SPAG16: variants seen among roughly 807,000 people sequenced by gnomAD.
The protein encoded by SPAG16 is sperm-associated antigen 16 protein.
Under a neutral mutation model 80.4 loss-of-function variants are expected in SPAG16, and 86 were observed. The observed-to-expected ratio is 1.07, with a 90% CI of 0.90 to 1.28. SPAG16 has a LOEUF of 1.28. SPAG16 is among the 50% of genes most tolerant of loss of function. SPAG16 has a pLI of 0.00. For synonymous variants in SPAG16, 294 were observed against 265.9 expected (o/e 1.11, Z -1.03); for missense variants, 870 against 765.3 (o/e 1.14, Z -1.61).
intron 15 of SPAG16, among the ~76,000 whole-genome samples, chr2:214,250,746 A>G (rs1417008399): frequency 1.0e-5 from 1 of 96,498 alleles, no homozygotes; most frequent in East Asian, 3.0e-4. Context: ...ATATATATAT[A>G]TATATATATA....
intron 9 of SPAG16, among the ~76,000 whole-genome samples, chr2:213,377,901 A>AT (rs1247661680): frequency 7.6e-4 from 19 of 24,852 alleles, no homozygotes; most frequent in African/African-American, 1.2e-3. Context: ...ATATATATAT[A>AT]TATTTTTTTT....
chr2:214,240,116 A>G (rs908804753), intron 15 of SPAG16: 2 of 152,162 alleles, frequency 1.3e-5, no homozygotes, highest in African/African-American at 2.4e-5. Flanking sequence ...ACGCTGAGGA[A>G]CACACATGGG....
At position 213,310,063 on chromosome 2, in the gene SPAG16, G is replaced by A. The variant is rs780015101; in HGVS notation, c.284G>A (p.Arg95Gln). 26 of 1,593,706 alleles carry A rather than the reference G, an allele frequency of 1.6e-5. No homozygotes were observed. The highest frequency in any genetic ancestry group is 1.1e-4 in the African/African-American group (8 of 73,940). ...EQATDTEILE[R>Q]KTVLPSKHAV... ...AAATGCACGTTTAAATTTCAGGAAC[G>A]GAAAACAGTTCTTCCTTCAAAGCAT... The change falls in exon 4 of 16, where the codon CGG (arginine) becomes CAG (glutamine). Residue 95 changes from arginine (R) to glutamine (Q), a missense_variant. By Grantham distance (43) the Arg-to-Gln change is conservative. Transcript: ENST00000331683.
At chr2:213,317,649 A>T in intron 5 of SPAG16, 1 of 1,029,368 alleles carries the variant, frequency 9.7e-7, no homozygotes, top group African/African-American at 1.7e-5. Flanking sequence ...GGTTTATAAC[A>T]TTTTCTCCTG....
chr2:214,198,768 A>G (rs532408291), intron 15 of SPAG16, among the ~76,000 whole-genome samples: 3 of 151,620 alleles, frequency 2.0e-5, no homozygotes, highest in African/African-American at 7.3e-5. Flanking sequence ...GCCAACATCT[A>G]TTTTTTTTAT....
intron 15 of SPAG16, among the ~76,000 whole-genome samples, chr2:214,406,534 C>G (rs1356453603): frequency 2.0e-5 from 3 of 151,978 alleles, no homozygotes. Context: ...GTTTTTATAA[C>G]AAATTCAATT....
chr2:213,733,594 C>G (rs1298030745), intron 10 of SPAG16, among the ~76,000 whole-genome samples: 1 of 148,754 alleles, frequency 6.7e-6, no homozygotes. Flanking sequence ...CTCCCCAAGA[C>G]TATGGCCTCC....
intron 15 of SPAG16, among the ~76,000 whole-genome samples, chr2:214,176,808 A>ATGTG (rs141462328): frequency 4.4e-4 from 66 of 149,968 alleles, no homozygotes; most frequent in South Asian, 8.3e-4. Flanking sequence ...AATTTATTGA[A>ATGTG]TGTGTGTGTG....
At chr2:213,515,035 T>C (rs2075370335) in intron 10 of SPAG16, among the ~76,000 whole-genome samples, 1 of 152,172 alleles carries the variant, frequency 6.6e-6, no homozygotes, top group African/African-American at 2.4e-5. Flanking sequence ...CACCTAGAGG[T>C]AGATTTATAT....
intron 10 of SPAG16, among the ~76,000 whole-genome samples, chr2:213,493,420 T>C (rs1433926042): frequency 4.6e-5 from 7 of 152,218 alleles, no homozygotes; most frequent in African/African-American, 1.4e-4. Context: ...TAGAGTATGG[T>C]TTCATAGGCC....
At chr2:214,258,586 A>G (rs1006747042) in intron 15 of SPAG16, among the ~76,000 whole-genome samples, 1 of 151,502 alleles carries the variant, frequency 6.6e-6, no homozygotes, top group African/African-American at 2.4e-5. Flanking sequence ...GCAATTGTGA[A>G]GTGTGCTGCT....
intron 10 of SPAG16, among the ~76,000 whole-genome samples, chr2:213,764,616 T>C (rs1002634416): frequency 6.6e-6 from 1 of 152,212 alleles, no homozygotes; most frequent in Non-Finnish European, 1.5e-5. Flanking sequence ...TTTTTCTGGC[T>C]GGCTTTTCTC....
chr2:213,615,496 C>G (rs1376285024), intron 10 of SPAG16, among the ~76,000 whole-genome samples: 1 of 152,116 alleles, frequency 6.6e-6, no homozygotes, highest in Admixed American at 6.5e-5. Context: ...GAGGCTGAGG[C>G]AGGAAAATCG....
At chr2:214,264,679 T>C (rs564620334) in intron 15 of SPAG16, among the ~76,000 whole-genome samples, 2 of 152,294 alleles carry the variant, frequency 1.3e-5, no homozygotes, top group Non-Finnish European at 2.9e-5. Context: ...TTGAAGTCCA[T>C]GCATTTTAAC....
chr2:213,434,606 C>T (rs1174688584), intron 9 of SPAG16, among the ~76,000 whole-genome samples: 1 of 152,082 alleles, frequency 6.6e-6, no homozygotes, highest in Non-Finnish European at 1.5e-5. Context: ...TTATAGGGAA[C>T]TCAAACAACA....
chr2:214,381,916 T>A (rs1700471082), intron 15 of SPAG16, among the ~76,000 whole-genome samples: 1 of 152,224 alleles, frequency 6.6e-6, no homozygotes, highest in Non-Finnish European at 1.5e-5. Context: ...CAGCTTTGCT[T>A]TGAAAACCAG....
At chr2:213,289,400 CAG>C (rs1368247313) in intron 1 of SPAG16, among the ~76,000 whole-genome samples, 1 of 152,158 alleles carries the variant, frequency 6.6e-6, no homozygotes, top group Non-Finnish European at 1.5e-5. Flanking sequence ...CTATGTAGGA[CAG>C]GGGTGGCCAG....
intron 10 of SPAG16, among the ~76,000 whole-genome samples, chr2:213,795,433 C>T (rs987427755): frequency 6.6e-6 from 1 of 152,194 alleles, no homozygotes; most frequent in African/African-American, 2.4e-5. Context: ...CTTATGCTTT[C>T]AACATTTTTC....
intron 9 of SPAG16, among the ~76,000 whole-genome samples, chr2:213,395,553 A>G (rs1281284729): frequency 6.6e-6 from 1 of 152,048 alleles, no homozygotes; most frequent in Non-Finnish European, 1.5e-5. Context: ...GTTTGATTCC[A>G]TTATGGTTAG....
Sources: gnomAD v4.1 joint callset for allele counts (sites outside exome capture counted in the v4.1 genomes callset) on GRCh38, gnomAD v4.1.1 for gene constraint, MANE v1.5 for transcripts, NCBI Gene and HGNC (gene_info 2026-07-23, HGNC 2026-07-21) for gene names.